The following SRL variants were observed in gnomAD, a reference collection of about 807,000 sequenced individuals.
SRL encodes sarcalumenin.
SRL carries 23 observed loss-of-function variants against 39.5 expected under a neutral mutation model. That is an observed-to-expected ratio of 0.58 (90% CI 0.42 to 0.82). The LOEUF is 0.82. Ranked by LOEUF, SRL falls within the 40% of genes least tolerant of loss-of-function variation. The probability of loss-of-function intolerance (pLI) is 0.00; values close to 1 mark genes in which losing one functional copy is unlikely to be tolerated. For missense variants in SRL, 592 were observed against 607.8 expected, an observed-to-expected ratio of 0.97 and a Z score of 0.27; for synonymous variants, 272 against 237.4, an observed-to-expected ratio of 1.15 and a Z score of -1.34.
intron 3 of SRL, among the ~76,000 whole-genome samples, chr16:4,199,577 C>T (rs374714666): frequency 6.6e-6 from 1 of 151,636 alleles, no homozygotes; most frequent in Non-Finnish European, 1.5e-5. Context: ...TGCCATGTTG[C>T]CTAGGCTGGT....
chr16:4,222,375 A>G (rs759585942), intron 1 of SRL, among the ~76,000 whole-genome samples: 2 of 152,200 alleles, frequency 1.3e-5, no homozygotes, highest in Non-Finnish European at 2.9e-5. Context: ...CCTGGGTTCA[A>G]GTGATTCTCC....
intron 1 of SRL, among the ~76,000 whole-genome samples, chr16:4,221,352 C>T (rs548490551): frequency 2.5e-4 from 38 of 152,328 alleles, no homozygotes; most frequent in African/African-American, 8.9e-4. Flanking sequence ...TGGCCTATTC[C>T]GTTCTTTTCT....
chr16:4,230,601 C>A (rs111381891), intron 1 of SRL, among the ~76,000 whole-genome samples: 3,423 of 151,470 alleles, frequency 0.023, 131 homozygotes, highest in African/African-American at 0.077. Context: ...GTTGGCCAGG[C>A]TGGTCTTGAA....
chr16:4,235,486 A>C (rs1379173040), intron 1 of SRL, among the ~76,000 whole-genome samples: 2 of 152,212 alleles, frequency 1.3e-5, no homozygotes, highest in Non-Finnish European at 2.9e-5. Flanking sequence ...ACTTGAGCCC[A>C]GGAGTTTGAG....
At chr16:4,213,608 G>A (rs1347877706) in intron 1 of SRL, among the ~76,000 whole-genome samples, 8 of 150,896 alleles carry the variant, frequency 5.3e-5, no homozygotes, top group East Asian at 2.0e-4. Context: ...ATGAGGTCTC[G>A]CTATGTTGCC....
At chr16:4,226,360 A>G (rs1355766663) in intron 1 of SRL, among the ~76,000 whole-genome samples, 1 of 151,716 alleles carries the variant, frequency 6.6e-6, no homozygotes, top group Middle Eastern at 3.4e-3. Context: ...ATGGATGGGT[A>G]GATGGATGAA....
intron 2 of SRL, 138 bp downstream of exon 2, chr16:4,204,395 A>AGCCTCCAAGATACAGCCCCG (rs2052282882): frequency 2.5e-5 from 2 of 80,508 alleles, no homozygotes; most frequent in Non-Finnish European, 2.0e-5. Flanking sequence ...CGTCCCCTCC[A>AGCCTCCAAGATACAGCCCCG]GCCTCCAAGA....
At chr16:4,196,253 C>G (rs1488495007) in intron 4 of SRL, among the ~76,000 whole-genome samples, 3 of 152,080 alleles carry the variant, frequency 2.0e-5, no homozygotes, top group African/African-American at 7.2e-5. Context: ...GGCCATTGCT[C>G]CTGGCCTAAA....
chr16:4,225,474 C>T (rs2052577004), intron 1 of SRL, among the ~76,000 whole-genome samples: 1 of 151,964 alleles, frequency 6.6e-6, no homozygotes, highest in African/African-American at 2.4e-5. Flanking sequence ...GTGCCAGCTA[C>T]TCAGGAGGCT....
intron 2 of SRL, among the ~76,000 whole-genome samples, chr16:4,204,063 AG>A (rs1234049740): frequency 6.6e-6 from 1 of 152,190 alleles, no homozygotes; most frequent in Non-Finnish European, 1.5e-5. Context: ...GCCACCCTCT[AG>A]CCGTGGGCCA....
chr16:4,195,682 G>A lies in SRL; in HGVS notation c.481C>T (p.Pro161Ser), dbSNP rs375904605. ...MAADSARSFS[P>S]LEKFGQNFLE... is the part of the protein sequence containing the mutation. The stretch of plus-strand genomic sequence containing the variant: ...AAATTCTGGCCAAACTTCTCAAGGG[G>A]TGAGAAGGAACGGGCGCTGTCAGCA... The change falls in exon 5 of 6, where the codon CCC (proline) becomes TCC (serine). Residue 161 changes from proline to serine, a missense_variant. Transcript: ENST00000399609. The A allele has an allele frequency of 1.9e-6, 3 of 1,612,568 alleles. No individual in the cohort carries two copies. The highest frequency in any genetic ancestry group is 1.7e-6 in the Non-Finnish European group (2 of 1,178,582).
At chr16:4,225,082 G>T (rs556301211) in intron 1 of SRL, among the ~76,000 whole-genome samples, 1 of 152,202 alleles carries the variant, frequency 6.6e-6, no homozygotes, top group African/African-American at 2.4e-5. Flanking sequence ...GTTGCTGGGG[G>T]AGCAGGGAGG....
chr16:4,238,339 C>G (rs1323538225), intron 1 of SRL, among the ~76,000 whole-genome samples: 1 of 152,114 alleles, frequency 6.6e-6, no homozygotes, highest in African/African-American at 2.4e-5. Flanking sequence ...CAGGCCAGGT[C>G]AGAGAACGGA....
chr16:4,213,596 A>G (rs1465155963), intron 1 of SRL, among the ~76,000 whole-genome samples: 1 of 150,820 alleles, frequency 6.6e-6, no homozygotes, highest in Non-Finnish European at 1.5e-5. Context: ...ATTTTTGTAG[A>G]GATGAGGTCT....
At position 4,210,010 on chromosome 16, in the gene SRL, G is replaced by T. The variant is rs573695597; in HGVS notation, c.62-5376C>A. Among the ~76,000 whole-genome samples, 9 of 152,264 alleles carry T rather than the reference G, an allele frequency of 5.9e-5. No homozygotes were observed. The East Asian group carries it at 1.7e-3, about 29-fold the overall frequency. Reference sequence around the variant, plus strand: ...TGCCTTCTCTTCAGGCTCAAGCTCCGTACTGGTCCTGGCTCCTGATTTGCA... The same window carrying T: ...TGCCTTCTCTTCAGGCTCAAGCTCCTTACTGGTCCTGGCTCCTGATTTGCA... On this transcript the variant is annotated intron_variant, in intron 1 of 5. Transcript: ENST00000399609.
rs576157440 is a variant in SRL, at chr16:4,192,342, G to A, written c.1233C>T (p.Ser411=). 278 of 1,614,198 alleles carry A rather than the reference G, an allele frequency of 1.7e-4. 3 individuals carry two copies. In the South Asian group the frequency reaches 2.8e-3, roughly 16 times the overall value. Residue 411 remains serine (S), a synonymous_variant, in exon 6 of 6, where the codon TCC becomes TCT. Transcript: ENST00000399609. The surrounding 1 kb of genome is among the most constrained non-coding windows in gnomAD (Gnocchi z 4.0). ...YKDFFGINPI[S]SFKLLSQQCS... ...ACTGCTGGGAGAGCAGTTTGAAACT[G>A]GAAATGGGATTGATGCCGAAGAAGT...
intron 1 of SRL, among the ~76,000 whole-genome samples, chr16:4,213,404 C>CTTTTTTTTTTTCTTTTTTTTTT (rs2052417419): frequency 1.4e-5 from 1 of 69,584 alleles, no homozygotes; most frequent in African/African-American, 8.2e-5. Context: ...TTTTCTTTTT[C>CTTTTTTTTTTTCTTTTTTTTTT]TTTTTTTTTT....
intron 2 of SRL, 38 bp downstream of exon 2, chr16:4,204,495 C>G (rs772307909): frequency 7.5e-6 from 12 of 1,594,704 alleles, no homozygotes; most frequent in Non-Finnish European, 1.0e-5. Flanking sequence ...GGTGGCCGGG[C>G]TCTCCCAGCC....
chr16:4,192,221 G>T lies in SRL; in HGVS notation c.1354C>A (p.Pro452Thr), dbSNP rs763711237. The T allele has an allele frequency of 6.2e-6, 10 of 1,607,070 alleles. No individual in the cohort carries two copies. Among genetic ancestry groups the T allele is most frequent in the Middle Eastern group, 1.7e-4 (1 of 6,024 alleles). The change falls in exon 6 of 6, where the codon CCA becomes ACA. Residue 452 changes from proline (P) to threonine (T), a missense_variant. Physicochemically the swap from Pro to Thr is conservative, Grantham distance 38 (BLOSUM62 -1). Coordinates refer to ENST00000399609, the MANE Select transcript of SRL (RefSeq NM_001098814.2). This position sits in a 1 kb window ranked among gnomAD's most constrained non-coding sequence, Gnocchi z 4.0. Reference protein sequence around the residue: ...LLGSLGLGKNPGALNCDKTGC... With the variant: ...LLGSLGLGKNTGALNCDKTGC... ...GTTTTGTCACAGTTGAGAGCACCTG[G>T]ATTCTTCCCGAGCCCGAGGCTACCC...
Sources: allele counts gnomAD v4.1 joint callset (sites outside exome capture counted in the v4.1 genomes callset), GRCh38; gene constraint gnomAD v4.1.1; non-coding constraint Gnocchi (gnomAD v3.1); transcripts MANE v1.5; gene names NCBI Gene and HGNC (gene_info 2026-07-23, HGNC 2026-07-21).